RBFOX1: variants seen among roughly 807,000 people sequenced by gnomAD.
The protein encoded by RBFOX1 is RNA binding protein fox-1 homolog 1.
In RBFOX1, 8 loss-of-function variants were observed where a neutral mutation model predicts 57.7. That is an observed-to-expected ratio of 0.14 (90% CI 0.08 to 0.25). The LOEUF (loss-of-function observed/expected upper bound fraction) is 0.25, where lower values mean the gene tolerates loss of function less well. Among genes scored for constraint, RBFOX1 ranks in the 10% least tolerant of loss-of-function variants. The probability of loss-of-function intolerance (pLI) is 1.00; values close to 1 mark genes in which losing one functional copy is unlikely to be tolerated. For missense variants in RBFOX1, 611 were observed against 548.5 expected (o/e 1.11, Z -1.14); for synonymous variants, 326 against 222.4 (o/e 1.47, Z -4.15).
chr16:5,746,833 T>C (rs1374399660), intron 3 of RBFOX1, among the ~76,000 whole-genome samples: 1 of 152,182 alleles, frequency 6.6e-6, no homozygotes, highest in African/African-American at 2.4e-5. Context: ...CTTAAGGAGA[T>C]TTTGGGCTGA....
intron 11 of RBFOX1, among the ~76,000 whole-genome samples, chr16:7,644,925 G>A (rs1397709162): frequency 3.3e-5 from 5 of 152,092 alleles, no homozygotes; most frequent in Non-Finnish European, 7.4e-5. Flanking sequence ...GTTAGAGCCT[G>A]GACAAAGGAG....
chr16:7,220,779 C>T (rs79239314), intron 4 of RBFOX1, among the ~76,000 whole-genome samples: 2 of 152,124 alleles, frequency 1.3e-5, no homozygotes, highest in East Asian at 3.9e-4. Context: ...TCAGGGCTGG[C>T]CGTACAATCA....
At chr16:7,688,139 C>A (rs1380373889) in intron 14 of RBFOX1, among the ~76,000 whole-genome samples, 1 of 151,872 alleles carries the variant, frequency 6.6e-6, no homozygotes, top group East Asian at 1.9e-4. Context: ...TATCCTGGGG[C>A]ATCTTGGCTG....
At chr16:5,744,823 T>A (rs1327880419) in intron 3 of RBFOX1, among the ~76,000 whole-genome samples, 1 of 152,148 alleles carries the variant, frequency 6.6e-6, no homozygotes, top group Non-Finnish European at 1.5e-5. Flanking sequence ...AGTGGTGCGA[T>A]CTCAGCTCAC....
At chr16:5,378,076 G>A (rs935979945) in intron 1 of RBFOX1, among the ~76,000 whole-genome samples, 2 of 151,566 alleles carry the variant, frequency 1.3e-5, no homozygotes, top group Non-Finnish European at 2.9e-5. Flanking sequence ...GTGTTGCACT[G>A]CCTGCCAATT....
chr16:5,873,487 C>T (rs1311652069), intron 4 of RBFOX1, among the ~76,000 whole-genome samples: 1 of 152,198 alleles, frequency 6.6e-6, no homozygotes, highest in Non-Finnish European at 1.5e-5. Flanking sequence ...GAACTCTAAA[C>T]AATCATGTGG....
At chr16:7,443,134 G>A (rs2098782175) in intron 4 of RBFOX1, among the ~76,000 whole-genome samples, 1 of 152,214 alleles carries the variant, frequency 6.6e-6, no homozygotes, top group Admixed American at 6.5e-5. Context: ...TTCCTATGGA[G>A]ATGTTTCTAA....
At chr16:6,289,347 A>G (rs1358038306) in intron 1 of RBFOX1, among the ~76,000 whole-genome samples, 1 of 152,102 alleles carries the variant, frequency 6.6e-6, no homozygotes, top group Non-Finnish European at 1.5e-5. Context: ...GTGACTGGTG[A>G]TGCAAAGTAT....
chr16:7,118,197 T>C (rs1028717755), intron 4 of RBFOX1, among the ~76,000 whole-genome samples: 2 of 152,134 alleles, frequency 1.3e-5, no homozygotes, highest in African/African-American at 4.8e-5. Flanking sequence ...CTAATTTACA[T>C]TCCCACCAGC....
intron 5 of RBFOX1, among the ~76,000 whole-genome samples, chr16:7,564,545 A>AAAT (rs2091234351): frequency 1.3e-5 from 1 of 75,632 alleles, no homozygotes; most frequent in South Asian, 3.0e-4. Flanking sequence ...CATCTCAAAA[A>AAAT]AAAAAAAAAA....
intron 3 of RBFOX1, among the ~76,000 whole-genome samples, chr16:5,821,573 G>A (rs1373548093): frequency 6.6e-6 from 1 of 152,132 alleles, no homozygotes; most frequent in African/African-American, 2.4e-5. Context: ...AAAATGCTGG[G>A]ATTATAGGCA....
At chr16:6,912,767 G>A (rs148154902) in intron 3 of RBFOX1, among the ~76,000 whole-genome samples, 3 of 151,752 alleles carry the variant, frequency 2.0e-5, no homozygotes, top group African/African-American at 7.3e-5. Flanking sequence ...ATAGGCACAT[G>A]CCACCACACG....
At position 6,839,059 on chromosome 16, in the gene RBFOX1, C is replaced by T. The variant is rs1463149038; in HGVS notation, c.-16+184409C>T. On this transcript the variant is annotated intron_variant, in intron 3 of 15. Coordinates refer to ENST00000550418, the MANE Select transcript of RBFOX1 (RefSeq NM_018723.4). ...GAGTGCAGTGCTGTGATCTTGGCTC[C>T]CTGTAACCTCTGCCTCCTGGGTTCA... 2.6e-5 allele frequency among the ~76,000 whole-genome samples: 4 copies of T among 151,770 alleles called. No homozygotes were observed. The South Asian group carries it at 6.2e-4, about 24-fold the overall frequency.
chr16:7,536,994 G>A (rs2081621350), intron 5 of RBFOX1, among the ~76,000 whole-genome samples: 1 of 152,190 alleles, frequency 6.6e-6, no homozygotes. Context: ...GGATAAACAG[G>A]TGAGCAAGAA....
At chr16:6,847,695 T>A (rs2141820475) in intron 3 of RBFOX1, among the ~76,000 whole-genome samples, 1 of 152,304 alleles carries the variant, frequency 6.6e-6, no homozygotes, top group South Asian at 2.1e-4. Context: ...TATTTGACAG[T>A]GATCGTCAGG....
At position 6,204,450 on chromosome 16, in the gene RBFOX1, A is replaced by C. The variant is rs575755257; in HGVS notation, c.-126-112545A>C. On this transcript the variant is annotated intron_variant, in intron 1 of 15. Transcript: ENST00000550418. The stretch of plus-strand genomic sequence containing the variant: ...CTAGAAGCTTCTGAACTTGCTAGGC[A>C]CTTGGGAGAAAATTGATTAAATAAA... Among the ~76,000 whole-genome samples the C allele has an allele frequency of 2.6e-5, 4 of 152,292 alleles. No homozygotes were observed. The East Asian group carries it at 7.7e-4, about 29-fold the overall frequency.
In RBFOX1 at chr16:5,805,985, G is replaced by T. The variant is rs550890457; in HGVS notation, c.319-61318G>T. Among the ~76,000 whole-genome samples the T allele has an allele frequency of 3.3e-5, 5 of 150,784 alleles. No individual in the cohort carries two copies. The South Asian group carries it at 1.1e-3, about 32-fold the overall frequency. On this transcript the variant is annotated intron_variant, in intron 3 of 19. Transcript: ENST00000641259. ...CCTAGCACAGTGTTGATCTCTCAGTGAGTCAATAAATGGTAATGAACATGG... is the reference window on the plus strand; with the variant it reads ...CCTAGCACAGTGTTGATCTCTCAGTTAGTCAATAAATGGTAATGAACATGG...
At chr16:5,318,386 C>T (rs2064301868) in intron 1 of RBFOX1, among the ~76,000 whole-genome samples, 1 of 152,140 alleles carries the variant, frequency 6.6e-6, no homozygotes, top group Non-Finnish European at 1.5e-5. Context: ...ACCTTGGCCT[C>T]CCAAAGGGCT....
At position 7,567,651 on chromosome 16, in the gene RBFOX1, C is replaced by A. The variant is rs912465093; in HGVS notation, c.271-12126C>A. On this transcript the variant is annotated intron_variant, in intron 5 of 15. Transcript: ENST00000550418. Reference sequence around the variant, plus strand: ...TATATATATATCCCTATATATGGCCCTATATATATATATCCCTATATATGG... The same window carrying A: ...TATATATATATCCCTATATATGGCCATATATATATATATCCCTATATATGG... 1.9e-3 allele frequency among the ~76,000 whole-genome samples: 111 copies of A among 59,020 alleles called. 5 individuals are homozygous for A. Among genetic ancestry groups the A allele is most frequent in the African/African-American group, 5.3e-3 (107 of 20,232 alleles). The allele number at this position is 59,020 out of a possible 152,430, so 38.7% of individuals were successfully genotyped here.
Sources: allele counts gnomAD v4.1 joint callset (sites outside exome capture counted in the v4.1 genomes callset), GRCh38; gene constraint gnomAD v4.1.1; transcripts MANE v1.5; gene names NCBI Gene and HGNC (gene_info 2026-07-23, HGNC 2026-07-21).